CD248: variants seen among roughly 807,000 people sequenced by gnomAD.
CD248 encodes the protein CD248 molecule, also known as endosialin.
Under a neutral mutation model 8.0 loss-of-function variants are expected in CD248, and 7 were observed. That is an observed-to-expected ratio of 0.88 (90% CI 0.50 to 1.64). The LOEUF is 1.64. CD248 is among the 40% of genes most tolerant of loss of function. The pLI is 0.00. For missense variants in CD248, 912 were observed against 1,027.2 expected, an observed-to-expected ratio of 0.89 and a Z score of 1.53; for synonymous variants, 418 against 437.1, an observed-to-expected ratio of 0.96 and a Z score of 0.54.
Position 66,316,818 on chromosome 11 carries a change from C to T in CD248, c.210G>A (p.Val70=). The change falls in exon 1 of 1, where the codon GTG becomes GTA. Residue 70 remains valine, a synonymous_variant. Coordinates refer to ENST00000311330, the MANE Select transcript of CD248 (RefSeq NM_020404.3). ...CTGGGCCCGCACCCACCAGGCTGTCCACACGCTGGGCCTCCTCGGGGGTCC... is the reference window on the plus strand; with the variant it reads ...CTGGGCCCGCACCCACCAGGCTGTCTACACGCTGGGCCTCCTCGGGGGTCC... The part of the protein sequence containing the change: ...TPRTPEEAQR[V]DSLVGAGPAS... The T allele has an allele frequency of 5.7e-6, 9 of 1,579,062 alleles. No individual in the cohort carries two copies. The highest frequency in any genetic ancestry group is 7.7e-6 in the Non-Finnish European group (9 of 1,169,366).
chr11:66,316,212 C>CG lies in CD248; in HGVS notation c.815_816insC (p.Glu272AspfsTer14). On this transcript the variant is annotated frameshift_variant, in exon 1 of 1. Transcript: ENST00000311330. LOFTEE classifies it low-confidence loss of function (END_TRUNC). The stretch of plus-strand genomic sequence containing the variant: ...CGCACGGAGCCTGGGCACAGGGGTC[C>CG]TCGCAACTGCGCCCGTCTGCTGCCA... 7 of 1,613,074 alleles carry CG rather than the reference C, an allele frequency of 4.3e-6. No homozygotes were observed. The highest frequency in any genetic ancestry group is 5.9e-6 in the Non-Finnish European group (7 of 1,179,946).
rs1590910075 is a variant in CD248, at chr11:66,316,368, A to C, written c.660T>G (p.Gly220=). 1 of 1,611,346 alleles carries C rather than the reference A, an allele frequency of 6.2e-7. No individual in the cohort carries two copies. The highest frequency in any genetic ancestry group is 8.5e-7 in the Non-Finnish European group (1 of 1,179,846). The change falls in exon 1 of 1, where the codon GGT becomes GGG. Residue 220 remains glycine, a synonymous_variant. Transcript: ENST00000311330. ...SLLCVKQPEG[G]VGWSRAGPLC... ...GGGGCCCAGCCCGTGACCAGCCCAC[A>C]CCTCCCTCAGGCTGCTTCACGCAGA...
In CD248 at chr11:66,315,443, G is replaced by A. The variant is rs138390105; in HGVS notation, c.1585C>T (p.Gln529Ter). The change falls in exon 1 of 1, where the codon CAG becomes TAG. Residue 529 changes from glutamine to a stop codon, truncating the protein, a stop_gained. Coordinates refer to ENST00000311330, the MANE Select transcript of CD248 (RefSeq NM_020404.3). LOFTEE classifies it low-confidence loss of function (END_TRUNC). The surrounding 1 kb of genome is among the most constrained non-coding windows in gnomAD (Gnocchi z 4.3). The part of the protein sequence containing the change: ...TKYPELFPAH[Q>*]SPMFPDTRVA... The stretch of plus-strand genomic sequence containing the variant: ...CGGGTGTCTGGAAACATGGGGGACT[G>A]GTGGGCAGGGAAGAGCTCCGGATAT... The A allele has an allele frequency of 1.8e-5, 29 of 1,613,740 alleles. No homozygotes were observed. The highest frequency in any genetic ancestry group is 2.5e-5 in the Non-Finnish European group (29 of 1,179,910).
In CD248 at chr11:66,314,944, G is replaced by A. The variant is rs144730048; in HGVS notation, c.2084C>T (p.Thr695Met). 68 of 1,613,396 alleles carry A rather than the reference G, an allele frequency of 4.2e-5. No individual in the cohort carries two copies. The highest frequency in any genetic ancestry group is 2.1e-4 in the African/African-American group (16 of 75,044). Reference sequence around the variant, plus strand: ...AAGCAGGACCACCAAAAAGACACACGTTGGCACCAGGAGTGCCACCAGCAG... The same window carrying A: ...AAGCAGGACCACCAAAAAGACACACATTGGCACCAGGAGTGCCACCAGCAG... Reference protein sequence around the residue: ...RWLLVALLVPTCVFLVVLLAL... With the variant: ...RWLLVALLVPMCVFLVVLLAL... Residue 695 changes from threonine (T) to methionine (M), a missense_variant, in exon 1 of 1, where the codon ACG (threonine) becomes ATG (methionine). Coordinates refer to ENST00000311330, the MANE Select transcript of CD248 (RefSeq NM_020404.3). This position sits in a 1 kb window ranked among gnomAD's most constrained non-coding sequence, Gnocchi z 4.0.
rs1854538515 is a variant in CD248, at chr11:66,315,701, A to C, written c.1327T>G (p.Ser443Ala). The C allele has an allele frequency of 1.2e-6, 2 of 1,607,184 alleles. No homozygotes were observed. The highest frequency in any genetic ancestry group is 1.3e-5 in the African/African-American group (1 of 74,766). ...LSAPRVPYHSSVLSVTRPVVV... is the reference protein window; with the variant it reads ...LSAPRVPYHSAVLSVTRPVVV... ...ACAGGCCGGGTGACGGAGAGCACTG[A>C]GGAGTGGTAGGGGACCCTGGGGGCA... The change falls in exon 1 of 1, where the codon TCA becomes GCA. Residue 443 changes from serine to alanine, a missense_variant. By Grantham distance (99) the Ser-to-Ala change is moderately conservative. Coordinates refer to ENST00000311330, the MANE Select transcript of CD248 (RefSeq NM_020404.3). This position sits in a 1 kb window ranked among gnomAD's most constrained non-coding sequence, Gnocchi z 4.3.
chr11:66,314,925 G>C lies in CD248; in HGVS notation c.2103C>G (p.Val701=), dbSNP rs775883006. 1 of 1,613,340 alleles carries C rather than the reference G, an allele frequency of 6.2e-7. No homozygotes were observed. The highest frequency in any genetic ancestry group is 1.1e-5 in the South Asian group (1 of 91,032). Residue 701 remains valine, a synonymous_variant, in exon 1 of 1, where the codon GTC becomes GTG. Transcript: ENST00000311330. This position sits in a 1 kb window ranked among gnomAD's most constrained non-coding sequence, Gnocchi z 4.0. The part of the protein sequence containing the change: ...LLVPTCVFLV[V]LLALGIVYCT... The stretch of plus-strand genomic sequence containing the variant: ...AGTACACGATGCCCAGTGCAAGCAG[G>C]ACCACCAAAAAGACACACGTTGGCA...
In CD248 at chr11:66,315,664, G is replaced by C. The variant is rs1368757793; in HGVS notation, c.1364C>G (p.Ala455Gly). The change falls in exon 1 of 1, where the codon GCC becomes GGC. Residue 455 changes from alanine to glycine, a missense_variant. Coordinates refer to ENST00000311330, the MANE Select transcript of CD248 (RefSeq NM_020404.3). The surrounding 1 kb of genome is among the most constrained non-coding windows in gnomAD (Gnocchi z 4.3). ...LSVTRPVVVS[A>G]THPTLPSAHQ... Reference sequence around the variant, plus strand: ...GGCAGAAGGCAGTGTGGGATGCGTGGCAGAGACCACCACAGGCCGGGTGAC... The same window carrying C: ...GGCAGAAGGCAGTGTGGGATGCGTGCCAGAGACCACCACAGGCCGGGTGAC... 6.2e-7 allele frequency: 1 copy of C among 1,613,686 alleles called. No homozygotes were observed. The highest frequency in any genetic ancestry group is 8.5e-7 in the Non-Finnish European group (1 of 1,179,918).
At position 66,315,573 on chromosome 11, in the gene CD248, G is replaced by T. The variant is rs74494297; in HGVS notation, c.1455C>A (p.Ile485=). 3 of 1,613,942 alleles carry T rather than the reference G, an allele frequency of 1.9e-6. No individual in the cohort carries two copies. The highest frequency in any genetic ancestry group is 1.7e-5 in the Admixed American group (1 of 60,022). The change falls in exon 1 of 1, where the codon ATC becomes ATA. Residue 485 remains isoleucine, a synonymous_variant. Transcript: ENST00000311330. The surrounding 1 kb of genome is among the most constrained non-coding windows in gnomAD (Gnocchi z 4.3). ...AAGGCAGATCTGGATAGTTGGCTGCGATCACGGGGATCTGGTGGTCACGGG... is the reference window on the plus strand; with the variant it reads ...AAGGCAGATCTGGATAGTTGGCTGCTATCACGGGGATCTGGTGGTCACGGG... ...ALSRDHQIPV[I]AANYPDLPSA... is the part of the protein sequence containing the mutation.
In CD248 at chr11:66,316,665, G is replaced by A; in HGVS notation, c.363C>T (p.Ala121=). The part of the protein sequence containing the change: ...DTAFTNWAQP[A]SGGPCPAQRC... ...GCTGGGCCGGGCAGGGGCCTCCAGA[G>A]GCTGGCTGGGCCCAGTTGGTGAAAG... Residue 121 remains alanine, a synonymous_variant, in exon 1 of 1, where the codon GCC becomes GCT. Transcript: ENST00000311330. 6.2e-7 allele frequency: 1 copy of A among 1,606,338 alleles called. No individual in the cohort carries two copies.
rs1396980005 is a variant in CD248, at chr11:66,316,912, G to A, written c.116C>T (p.Pro39Leu). 6.4e-7 allele frequency: 1 copy of A among 1,559,908 alleles called. No individual in the cohort carries two copies. The highest frequency in any genetic ancestry group is 1.2e-5 in the South Asian group (1 of 86,520). ...GGCCTCCAGGAAGGTGCGGCGCCGTGGGAAGAGAGCGTAGCAGCTGCTGGG... is the reference window on the plus strand; with the variant it reads ...GGCCTCCAGGAAGGTGCGGCGCCGTAGGAAGAGAGCGTAGCAGCTGCTGGG... ...CGPSSCYALF[P>L]RRRTFLEAWR... The change falls in exon 1 of 1, where the codon CCA becomes CTA. Residue 39 changes from proline to leucine, a missense_variant. Physicochemically the swap from Pro to Leu is moderately conservative, Grantham distance 98. Around this residue, in one of 3 missense-constraint regions of CD248, gnomAD observed 403 missense variants for 446.2 expected, o/e 0.90. Coordinates refer to ENST00000311330, the MANE Select transcript of CD248 (RefSeq NM_020404.3).
rs1258386024 is a variant in CD248, at chr11:66,316,495, A to T, written c.533T>A (p.Val178Glu). The T allele has an allele frequency of 1.3e-6, 2 of 1,597,704 alleles. No homozygotes were observed. The highest frequency in any genetic ancestry group is 4.5e-5 in the East Asian group (2 of 44,812). ...QDEAGQAGPA[V>E]YTTPFHLVST... ...GACCAGGTGGAAGGGCGTGGTATAC[A>T]CGGCTGGGCCGGCCTGGCCCGCCTC... The change falls in exon 1 of 1, where the codon GTG (valine) becomes GAG (glutamate). Residue 178 changes from valine (V) to glutamate (E), a missense_variant. By Grantham distance (121) the Val-to-Glu change is moderately radical. This residue lies in a region of CD248 where 403 missense variants were observed against 446.2 expected (regional missense o/e 0.90). Coordinates refer to ENST00000311330, the MANE Select transcript of CD248 (RefSeq NM_020404.3).
Position 66,315,224 on chromosome 11 carries a change from G to A in CD248, c.1804C>T (p.Pro602Ser). 3.9e-6 allele frequency: 6 copies of A among 1,529,908 alleles called. No homozygotes were observed. The highest frequency in any genetic ancestry group is 5.3e-6 in the Non-Finnish European group (6 of 1,141,378). 94.8% of individuals were successfully genotyped at this position (1,529,908 alleles called of 1,614,324 possible). A position where few individuals can be genotyped will look rare whatever the true frequency, so the allele number is the denominator to read the frequency against. ...GCAGGCACAGAGATTTGATGGGCAG[G>A]AGACACAGGGGACCTGGAGGTGGTG... ...LTTTSRSPVS[P>S]AHQISVPAAT... The change falls in exon 1 of 1, where the codon CCT becomes TCT. Residue 602 changes from proline (P) to serine (S), a missense_variant. Pro to Ser is a moderately conservative substitution (Grantham distance 74, BLOSUM62 -1). This residue lies in a region of CD248 where 507 missense variants were observed against 562.2 expected (regional missense o/e 0.90). Transcript: ENST00000311330. This position sits in a 1 kb window ranked among gnomAD's most constrained non-coding sequence, Gnocchi z 4.3.
chr11:66,315,179 G>A lies in CD248; in HGVS notation c.1849C>T (p.Leu617Phe). The A allele has an allele frequency of 6.5e-7, 1 of 1,527,704 alleles. No homozygotes were observed. Among genetic ancestry groups the A allele is most frequent in the Non-Finnish European group, 8.8e-7 (1 of 1,140,184 alleles). 94.6% of individuals were successfully genotyped at this position (1,527,704 alleles called of 1,614,324 possible). ...SVPAATQPAA[L>F]PTLLPSQSPT... The stretch of plus-strand genomic sequence containing the variant: ...CTCTGAGAGGGCAGGAGGGTGGGGA[G>A]GGCTGCGGGCTGGGTGGCAGCAGGC... Residue 617 changes from leucine to phenylalanine, a missense_variant, in exon 1 of 1, where the codon CTC becomes TTC. This residue lies in a region of CD248 where 507 missense variants were observed against 562.2 expected (regional missense o/e 0.90). Coordinates refer to ENST00000311330, the MANE Select transcript of CD248 (RefSeq NM_020404.3). This position sits in a 1 kb window ranked among gnomAD's most constrained non-coding sequence, Gnocchi z 4.3.
Position 66,315,763 on chromosome 11 carries a change from A to G in CD248, c.1265T>C (p.Ile422Thr). 1 of 1,612,162 alleles carries G rather than the reference A, an allele frequency of 6.2e-7. No individual in the cohort carries two copies. Among genetic ancestry groups the G allele is most frequent in the South Asian group, 1.1e-5 (1 of 91,036 alleles). The change falls in exon 1 of 1, where the codon ATA becomes ACA. Residue 422 changes from isoleucine (I) to threonine (T), a missense_variant. This residue lies in a region of CD248 where 507 missense variants were observed against 562.2 expected (regional missense o/e 0.90). Transcript: ENST00000311330. This position sits in a 1 kb window ranked among gnomAD's most constrained non-coding sequence, Gnocchi z 4.3. ...PSFPEDREPQ[I>T]PYPEPTWPPP... ...TGGCCAGGTGGGCTCCGGGTAGGGT[A>G]TCTGTGGCTCTCTGTCCTCTGGGAA... is the stretch of plus-strand genomic sequence containing the variant.
rs1313133178 is a variant in CD248, at chr11:66,316,653, G to T, written c.375C>A (p.Pro125=). Residue 125 remains proline, a synonymous_variant, in exon 1 of 1, where the codon CCC becomes CCA. Transcript: ENST00000311330. ...TNWAQPASGG[P]CPAQRCVALE... is the part of the protein sequence containing the mutation. ...GGGCCACACAGCGCTGGGCCGGGCA[G>T]GGGCCTCCAGAGGCTGGCTGGGCCC... 1 of 1,605,592 alleles carries T rather than the reference G, an allele frequency of 6.2e-7. No individual in the cohort carries two copies. Among genetic ancestry groups the T allele is most frequent in the Admixed American group, 1.7e-5 (1 of 59,968 alleles).
Position 66,314,720 on chromosome 11 carries a change from C to G in CD248, c.*34G>C, listed in dbSNP as rs939345534. On this transcript the variant is annotated 3_prime_UTR_variant, in exon 1 of 1. Transcript: ENST00000311330. This position sits in a 1 kb window ranked among gnomAD's most constrained non-coding sequence, Gnocchi z 4.0. ...GGTGCAGCCCCGGCCATGTGTCCAG[C>G]GCCCCATACTCCATGAGGGGGGTCT... is the stretch of plus-strand genomic sequence containing the variant. 4 of 1,512,482 alleles carry G rather than the reference C, an allele frequency of 2.6e-6. No homozygotes were observed. In the African/African-American group the frequency reaches 5.5e-5, roughly 21 times the overall value. The allele number at this position is 1,512,482 out of a possible 1,614,324, so 93.7% of individuals were successfully genotyped here.
chr11:66,315,887 C>G lies in CD248; in HGVS notation c.1141G>C (p.Ala381Pro), dbSNP rs1301944961. Residue 381 changes from alanine (A) to proline (P), a missense_variant, in exon 1 of 1, where the codon GCC becomes CCC. Coordinates refer to ENST00000311330, the MANE Select transcript of CD248 (RefSeq NM_020404.3). The surrounding 1 kb of genome is among the most constrained non-coding windows in gnomAD (Gnocchi z 4.3). Reference protein sequence around the residue: ...DGEDEEDEDEAWKAFNGGWTE... With the variant: ...DGEDEEDEDEPWKAFNGGWTE... ...CAGCCACCGTTGAAGGCCTTCCAGG[C>G]CTCGTCTTCATCTTCCTCATCCTCC... 1 of 1,613,880 alleles carries G rather than the reference C, an allele frequency of 6.2e-7. No homozygotes were observed.
rs201814297 is a variant in CD248, at chr11:66,315,400, G to A, written c.1628C>T (p.Thr543Ile). ...FPDTRVAGTQ[T>I]TTHLPGIPPN... ...TGGGATTCCAGGCAAATGAGTGGTG[G>A]TCTGGGTGCCAGCGACCCGGGTGTC... is the stretch of plus-strand genomic sequence containing the variant. Residue 543 changes from threonine (T) to isoleucine (I), a missense_variant, in exon 1 of 1, where the codon ACC (threonine) becomes ATC (isoleucine). Coordinates refer to ENST00000311330, the MANE Select transcript of CD248 (RefSeq NM_020404.3). This position sits in a 1 kb window ranked among gnomAD's most constrained non-coding sequence, Gnocchi z 4.3. The A allele has an allele frequency of 6.2e-7, 1 of 1,612,298 alleles. No individual in the cohort carries two copies. Among genetic ancestry groups the A allele is most frequent in the Non-Finnish European group, 8.5e-7 (1 of 1,178,816 alleles).
rs774440772 is a variant in CD248 at position 66,314,928 on chromosome 11, C to T, written c.2100G>A (p.Val700=). ...ACACGATGCCCAGTGCAAGCAGGAC[C>T]ACCAAAAAGACACACGTTGGCACCA... is the stretch of plus-strand genomic sequence containing the variant. ...ALLVPTCVFL[V]VLLALGIVYC... Residue 700 remains valine (V), a synonymous_variant, in exon 1 of 1, where the codon GTG becomes GTA. Coordinates refer to ENST00000311330, the MANE Select transcript of CD248 (RefSeq NM_020404.3). The surrounding 1 kb of genome is among the most constrained non-coding windows in gnomAD (Gnocchi z 4.0). 1.9e-6 allele frequency: 3 copies of T among 1,613,278 alleles called. No individual in the cohort carries two copies. In the Admixed American group the frequency reaches 5.0e-5, roughly 27 times the overall value.
Sources: gnomAD v4.1 joint callset for allele counts on GRCh38, gnomAD v4.1.1 for gene constraint, gnomAD v4.1.1 regional missense constraint, Gnocchi (gnomAD v3.1) non-coding constraint, MANE v1.5 for transcripts, NCBI Gene and HGNC (gene_info 2026-07-23, HGNC 2026-07-21) for gene names.